The following CACNA2D3 variants were observed in gnomAD, a reference collection of about 807,000 sequenced individuals.
CACNA2D3 encodes the protein calcium voltage-gated channel auxiliary subunit alpha2delta 3.
Under a neutral mutation model 160.6 loss-of-function variants are expected in CACNA2D3, and 60 were observed. The observed-to-expected ratio is 0.37, with a 90% CI of 0.30 to 0.46. The LOEUF is 0.46. Ranked by LOEUF, CACNA2D3 falls within the 20% of genes least tolerant of loss-of-function variation. CACNA2D3 has a pLI of 1.00. For synonymous variants in CACNA2D3, 558 were observed against 492.9 expected (o/e 1.13, Z -1.75); for missense variants, 1,205 against 1,365.0 (o/e 0.88, Z 1.85).
chr3:54,288,293 A>C (rs1410606055), intron 2 of CACNA2D3, among the ~76,000 whole-genome samples: 3 of 152,148 alleles, frequency 2.0e-5, no homozygotes, highest in Non-Finnish European at 4.4e-5. Context: ...TACTACAAAC[A>C]CCTCTACGCA....
intron 8 of CACNA2D3, among the ~76,000 whole-genome samples, chr3:54,571,266 G>T (rs1475101080): frequency 2.6e-5 from 4 of 152,144 alleles, no homozygotes; most frequent in Non-Finnish European, 5.9e-5. Context: ...GCTTCAGAGA[G>T]AATAGGTTGT....
chr3:54,350,560 G>A (rs1348864144), intron 3 of CACNA2D3, among the ~76,000 whole-genome samples: 2 of 152,144 alleles, frequency 1.3e-5, no homozygotes, highest in Admixed American at 6.5e-5. Context: ...TAAGCTAACT[G>A]CAAAATAGTT....
At chr3:54,707,269 A>G (rs1700874334) in intron 11 of CACNA2D3, among the ~76,000 whole-genome samples, 1 of 152,198 alleles carries the variant, frequency 6.6e-6, no homozygotes. Flanking sequence ...CATTCTTGGC[A>G]TTTTGGAGGT....
At chr3:54,438,472 C>T (rs558111180) in intron 4 of CACNA2D3, among the ~76,000 whole-genome samples, 35 of 152,230 alleles carry the variant, frequency 2.3e-4, no homozygotes, top group East Asian at 9.6e-4. Flanking sequence ...ATCAAGATGA[C>T]CTTTCATGGC....
rs114415716 is a variant in CACNA2D3 at position 54,249,788 on chromosome 3, G to A, written c.205-70654G>A. The stretch of plus-strand genomic sequence containing the variant: ...TGTTTTTTTTTTTTTTATGTGAGTG[G>A]GACTATTTCTTTTTTTGTCTTTTAA... On this transcript the variant is annotated intron_variant, in intron 2 of 37. Transcript: ENST00000474759. Among the ~76,000 whole-genome samples, 728 of 149,908 alleles carry A rather than the reference G, an allele frequency of 4.9e-3. 4 individuals carry two copies. Among genetic ancestry groups the A allele is most frequent in the African/African-American group, 0.017 (682 of 40,708 alleles).
chr3:54,868,847 C>A (rs1483666646), intron 17 of CACNA2D3, among the ~76,000 whole-genome samples: 1 of 152,212 alleles, frequency 6.6e-6, no homozygotes, highest in East Asian at 1.9e-4. Flanking sequence ...TGTCATTCCA[C>A]AAAATGCATG....
intron 25 of CACNA2D3, among the ~76,000 whole-genome samples, chr3:54,893,649 A>G (rs1423275282): frequency 6.6e-6 from 1 of 152,170 alleles, no homozygotes; most frequent in African/African-American, 2.4e-5. Context: ...GAACTTGATA[A>G]TATAAAGTTG....
chr3:54,258,816 A>G (rs1702350450), intron 2 of CACNA2D3, among the ~76,000 whole-genome samples: 1 of 152,202 alleles, frequency 6.6e-6, no homozygotes, highest in Admixed American at 6.5e-5. Context: ...AGTGATTAAT[A>G]ATAAATAACC....
intron 11 of CACNA2D3, among the ~76,000 whole-genome samples, chr3:54,706,232 T>A (rs1042557631): frequency 2.0e-5 from 3 of 152,230 alleles, no homozygotes; most frequent in Admixed American, 2.0e-4. Context: ...TCAGCTGAGA[T>A]GGAGTTTGGG....
At position 54,899,795 on chromosome 3, in the gene CACNA2D3, C is replaced by A; in HGVS notation, c.2376C>A (p.Val792=). The part of the protein sequence containing the change: ...VYSIPFSTGP[V]NKSNVVTAST... ...TGTTTTTTCTTTTCACAGGACCAGT[C>A]AATAAAAGCAATGTGGTGACAGCAA... Residue 792 remains valine, a synonymous_variant, in exon 27 of 38, where the codon GTC becomes GTA. Coordinates refer to ENST00000474759, the MANE Select transcript of CACNA2D3 (RefSeq NM_018398.3). 1 of 1,607,206 alleles carries A rather than the reference C, an allele frequency of 6.2e-7. No homozygotes were observed. The highest frequency in any genetic ancestry group is 1.1e-5 in the South Asian group (1 of 89,358).
chr3:54,960,109 A>G (rs1164849714), intron 27 of CACNA2D3, among the ~76,000 whole-genome samples: 2 of 151,818 alleles, frequency 1.3e-5, no homozygotes, highest in Non-Finnish European at 2.9e-5. Context: ...TGATTATGAA[A>G]GAAATGTGTG....
rs374886041 is a variant in CACNA2D3 at position 54,457,648 on chromosome 3, G to A, written c.382-45844G>A. Among the ~76,000 whole-genome samples, 11 of 151,966 alleles carry A rather than the reference G, an allele frequency of 7.2e-5. No individual in the cohort carries two copies. The South Asian group carries it at 1.7e-3, about 23-fold the overall frequency. ...AGATGATCTGTCCAGTACTGAGAGTGGGGTTTGGAAGTCCCCAGATTTTAT... is the reference window on the plus strand; with the variant it reads ...AGATGATCTGTCCAGTACTGAGAGTAGGGTTTGGAAGTCCCCAGATTTTAT... On this transcript the variant is annotated intron_variant, in intron 4 of 37. Coordinates refer to ENST00000474759, the MANE Select transcript of CACNA2D3 (RefSeq NM_018398.3).
chr3:54,182,067 A>G (rs1700794742), intron 2 of CACNA2D3, among the ~76,000 whole-genome samples: 5 of 152,182 alleles, frequency 3.3e-5, no homozygotes, highest in African/African-American at 1.2e-4. Flanking sequence ...AATATTTATC[A>G]AAGTTAGGTT....
At chr3:54,553,827 C>T (rs1324458615) in intron 5 of CACNA2D3, among the ~76,000 whole-genome samples, 1 of 152,188 alleles carries the variant, frequency 6.6e-6, no homozygotes, top group African/African-American at 2.4e-5. Flanking sequence ...TTTCTGATTG[C>T]CTGTCCTGGG....
intron 13 of CACNA2D3, among the ~76,000 whole-genome samples, chr3:54,776,204 A>G (rs1334537494): frequency 1.3e-5 from 2 of 152,224 alleles, no homozygotes; most frequent in Non-Finnish European, 2.9e-5. Context: ...AGCCAGGGCT[A>G]TGGATAACAT....
chr3:54,163,969 CCCACGGG>C (rs1700399340), intron 2 of CACNA2D3, among the ~76,000 whole-genome samples: 3 of 152,166 alleles, frequency 2.0e-5, no homozygotes, highest in African/African-American at 7.2e-5. Context: ...GAGGGAATAG[CCCACGGG>C]CTAAGCAGCC....
chr3:54,524,439 A>G (rs532297629), intron 5 of CACNA2D3, among the ~76,000 whole-genome samples: 1 of 151,774 alleles, frequency 6.6e-6, no homozygotes, highest in South Asian at 2.1e-4. Flanking sequence ...GTCCTAGAGA[A>G]TGTCCCACGT....
At chr3:54,728,154 C>A (rs1447923830) in intron 11 of CACNA2D3, among the ~76,000 whole-genome samples, 2 of 151,898 alleles carry the variant, frequency 1.3e-5, no homozygotes, top group African/African-American at 4.8e-5. Context: ...ATTTTTGTCT[C>A]ACTTCCTCCA....
chr3:54,284,043 C>T (rs1702949610), intron 2 of CACNA2D3, among the ~76,000 whole-genome samples: 2 of 152,144 alleles, frequency 1.3e-5, no homozygotes, highest in South Asian at 4.1e-4. Flanking sequence ...GCCTGGGCGA[C>T]ACAGTGAGAC....
Sources: gnomAD v4.1 joint callset for allele counts (sites outside exome capture counted in the v4.1 genomes callset) on GRCh38, gnomAD v4.1.1 for gene constraint, MANE v1.5 for transcripts, NCBI Gene and HGNC (gene_info 2026-07-23, HGNC 2026-07-21) for gene names.